The following TRAPPC9 variants were observed in gnomAD, a reference collection of about 807,000 sequenced individuals.
TRAPPC9 encodes trafficking protein particle complex subunit 9.
TRAPPC9 carries 83 observed loss-of-function variants against 124.0 expected under a neutral mutation model. The ratio of observed to expected loss-of-function variants is 0.67; its 90% CI spans 0.56 to 0.80. The LOEUF is 0.80. Among genes scored for constraint, TRAPPC9 ranks in the 30% least tolerant of loss-of-function variants. The pLI, the probability that TRAPPC9 is intolerant of heterozygous loss-of-function variation, is 0.00. For missense variants in TRAPPC9, 1,302 were observed against 1,508.3 expected, an observed-to-expected ratio of 0.86 and a Z score of 2.27; for synonymous variants, 638 against 617.5, an observed-to-expected ratio of 1.03 and a Z score of -0.49.
chr8:139,920,079 C>G (rs1832413977), intron 19 of TRAPPC9, among the ~76,000 whole-genome samples: 1 of 152,218 alleles, frequency 6.6e-6, no homozygotes, highest in South Asian at 2.1e-4. Context: ...GGCGCGGTGG[C>G]TCACGCCTGT....
chr8:140,107,894 T>C (rs2060696175), intron 17 of TRAPPC9, among the ~76,000 whole-genome samples: 2 of 151,356 alleles, frequency 1.3e-5, no homozygotes, highest in African/African-American at 4.9e-5. Context: ...GCAGTTTCCA[T>C]CTTGCCCACA....
At chr8:140,092,266 C>T (rs917501655) in intron 17 of TRAPPC9, among the ~76,000 whole-genome samples, 76 of 148,222 alleles carry the variant, frequency 5.1e-4, no homozygotes, top group African/African-American at 1.6e-3. Context: ...GGCGCAATCT[C>T]GGCTCACTGC....
At chr8:139,929,070 C>T (rs544898743) in intron 19 of TRAPPC9, among the ~76,000 whole-genome samples, 3 of 152,066 alleles carry the variant, frequency 2.0e-5, no homozygotes, top group Non-Finnish European at 4.4e-5. Context: ...CTATGACTAG[C>T]AAATACTTCA....
chr8:140,399,152 A>C (rs2069179771), intron 6 of TRAPPC9, among the ~76,000 whole-genome samples: 1 of 152,256 alleles, frequency 6.6e-6, no homozygotes, highest in African/African-American at 2.4e-5. Flanking sequence ...GATGTATGGA[A>C]ACAGCTGGAT....
intron 22 of TRAPPC9, among the ~76,000 whole-genome samples, chr8:139,731,777 C>T (rs138566505): frequency 6.6e-6 from 1 of 152,260 alleles, no homozygotes; most frequent in African/African-American, 2.4e-5. Context: ...CCTCACTGTC[C>T]AGGACTGAGA....
chr8:139,889,288 T>C (rs564328664), intron 20 of TRAPPC9, among the ~76,000 whole-genome samples: 16 of 151,712 alleles, frequency 1.1e-4, no homozygotes, highest in Non-Finnish European at 2.2e-4. Context: ...GGCAGGGAAA[T>C]GGAGACCCCT....
At chr8:139,739,528 C>T (rs1314929176) in intron 21 of TRAPPC9, among the ~76,000 whole-genome samples, 1 of 152,244 alleles carries the variant, frequency 6.6e-6, no homozygotes, top group Non-Finnish European at 1.5e-5. Flanking sequence ...CGCCACTGCT[C>T]CCTGGCCATC....
At chr8:140,058,816 G>C (rs1424332688) in intron 17 of TRAPPC9, among the ~76,000 whole-genome samples, 1 of 152,220 alleles carries the variant, frequency 6.6e-6, no homozygotes, top group African/African-American at 2.4e-5. Flanking sequence ...TCTGGCCAGA[G>C]TGTAAACAGC....
chr8:139,876,855 G>A (rs971221500), intron 21 of TRAPPC9, among the ~76,000 whole-genome samples: 5 of 152,254 alleles, frequency 3.3e-5, no homozygotes, highest in South Asian at 2.1e-4. Context: ...TCTGCTGTCC[G>A]CTATACTCTC....
At chr8:140,313,681 C>T (rs2066368316) in intron 9 of TRAPPC9, among the ~76,000 whole-genome samples, 1 of 152,136 alleles carries the variant, frequency 6.6e-6, no homozygotes, top group Non-Finnish European at 1.5e-5. Context: ...CTCCGCTGTG[C>T]CTGCTGACTC....
Position 140,426,602 on chromosome 8 carries a change from A to G in TRAPPC9, c.886+13T>C, listed in dbSNP as rs2070430949. ...AAAATAACCAAAAGAAACTAAACAC[A>G]TAGATCATGTACCTGGATCAATGAG... On this transcript the variant is annotated intron_variant, in intron 5 of 22. Transcript: ENST00000438773. 6.2e-7 allele frequency: 1 copy of G among 1,613,494 alleles called. No homozygotes were observed. Among genetic ancestry groups the G allele is most frequent in the South Asian group, 1.1e-5 (1 of 91,056 alleles).
At chr8:139,766,501 G>C (rs1820593437) in intron 21 of TRAPPC9, among the ~76,000 whole-genome samples, 1 of 152,204 alleles carries the variant, frequency 6.6e-6, no homozygotes, top group Admixed American at 6.5e-5. Context: ...CCAAATGCAA[G>C]TTGTGGCTCT....
intron 18 of TRAPPC9, among the ~76,000 whole-genome samples, chr8:140,015,129 T>G (rs780721614): frequency 6.6e-6 from 1 of 152,224 alleles, no homozygotes. Flanking sequence ...ATTTGGCTTC[T>G]ATTTGCACCA....
At chr8:140,066,489 T>G (rs1445834759) in intron 17 of TRAPPC9, among the ~76,000 whole-genome samples, 1 of 152,182 alleles carries the variant, frequency 6.6e-6, no homozygotes, top group Non-Finnish European at 1.5e-5. Context: ...TGAACTGAAC[T>G]AAGTTGATAT....
At chr8:139,795,574 G>A (rs559203293) in intron 21 of TRAPPC9, among the ~76,000 whole-genome samples, 3 of 152,040 alleles carry the variant, frequency 2.0e-5, no homozygotes, top group East Asian at 3.9e-4. Context: ...TGGGGGCGGC[G>A]GGGAGAAGTG....
intron 11 of TRAPPC9, among the ~76,000 whole-genome samples, chr8:140,291,411 A>G (rs1213080539): frequency 2.6e-5 from 4 of 152,256 alleles, no homozygotes; most frequent in Non-Finnish European, 5.9e-5. Context: ...AGCTGGCAAC[A>G]CAGGAAGACG....
At chr8:139,774,878 G>A (rs925371331) in intron 21 of TRAPPC9, among the ~76,000 whole-genome samples, 4 of 152,196 alleles carry the variant, frequency 2.6e-5, no homozygotes. Context: ...ACTTTTGGGA[G>A]TGCCCGGAGG....
intron 21 of TRAPPC9, among the ~76,000 whole-genome samples, chr8:139,749,356 C>A (rs367701045): frequency 6.6e-6 from 1 of 152,192 alleles, no homozygotes; most frequent in Non-Finnish European, 1.5e-5. Flanking sequence ...ATGGCCTTGG[C>A]CCTTCAATGG....
chr8:140,214,928 A>C (rs962998069), intron 17 of TRAPPC9, among the ~76,000 whole-genome samples: 2 of 152,136 alleles, frequency 1.3e-5, no homozygotes, highest in African/African-American at 4.8e-5. Flanking sequence ...CCTCGGTGAT[A>C]GTTTTATAGG....
Sources: gnomAD v4.1 joint callset for allele counts (sites outside exome capture counted in the v4.1 genomes callset) on GRCh38, gnomAD v4.1.1 for gene constraint, MANE v1.5 for transcripts, NCBI Gene and HGNC (gene_info 2026-07-23, HGNC 2026-07-21) for gene names.